The following PTPN14 variants were observed in gnomAD, a reference collection of about 807,000 sequenced individuals.
PTPN14 encodes tyrosine-protein phosphatase non-receptor type 14.
A neutral mutation model predicts 126.8 loss-of-function variants in PTPN14; 53 were observed. The observed-to-expected ratio is 0.42, with a 90% CI of 0.34 to 0.53. The LOEUF (loss-of-function observed/expected upper bound fraction) is 0.53. PTPN14 is among the 20% of genes least tolerant of loss of function. The probability of loss-of-function intolerance (pLI) is 0.08; values close to 1 mark genes in which losing one functional copy is unlikely to be tolerated. For missense variants in PTPN14, 1,257 were observed against 1,552.9 expected (o/e 0.81, Z 3.20); for synonymous variants, 630 against 599.3 (o/e 1.05, Z -0.75).
intron 15 of PTPN14, among the ~76,000 whole-genome samples, chr1:214,374,841 T>C (rs1055025229): frequency 4.6e-5 from 7 of 152,188 alleles, no homozygotes; most frequent in Admixed American, 1.3e-4. Flanking sequence ...AGATGGAAAA[T>C]AGTGGAAGAG....
intron 17 of PTPN14, among the ~76,000 whole-genome samples, chr1:214,365,399 C>T (rs1658058495): frequency 6.6e-6 from 1 of 152,114 alleles, no homozygotes; most frequent in Non-Finnish European, 1.5e-5. Context: ...AAAGAAAAAT[C>T]ACAGGATTCC....
At position 214,352,924 on chromosome 1, in the gene PTPN14, AC is replaced by A. The variant is rs1657732376; in HGVS notation, c.*4997del. On this transcript the variant is annotated 3_prime_UTR_variant, in exon 19 of 19. Coordinates refer to ENST00000366956, the MANE Select transcript of PTPN14 (RefSeq NM_005401.5). ...GAATGCTCAATTCCCTAAAAGGGCTACCCTAAGAGCCCAACAGTAATTATGT... is the reference window on the plus strand; with the variant it reads ...GAATGCTCAATTCCCTAAAAGGGCTACCTAAGAGCCCAACAGTAATTATGT... The A allele has an allele frequency of 6.6e-6, 1 of 152,170 alleles. No homozygotes were observed. Among genetic ancestry groups the A allele is most frequent in the South Asian group, 2.1e-4 (1 of 4,824 alleles). 9.4% of individuals were successfully genotyped at this position (152,170 alleles called of 1,614,324 possible). A position where few individuals can be genotyped will look rare whatever the true frequency, so the allele number is the denominator to read the frequency against.
intron 3 of PTPN14, among the ~76,000 whole-genome samples, chr1:214,422,265 T>C (rs1285519072): frequency 1.3e-5 from 2 of 152,182 alleles, no homozygotes; most frequent in African/African-American, 2.4e-5. Context: ...TATTTTTAAA[T>C]GACTTAAACT....
Position 214,476,757 on chromosome 1 carries a change from C to A in PTPN14, c.-154-11800G>T, listed in dbSNP as rs369799360. ...TAACCATGGGTCCGAAGCTGGCTCG[C>A]TCCCTGCATTTCTAACATGGGGATG... On this transcript the variant is annotated intron_variant, in intron 1 of 18. Transcript: ENST00000366956. 7.2e-5 allele frequency among the ~76,000 whole-genome samples: 11 copies of A among 152,302 alleles called. No individual in the cohort carries two copies. The East Asian group carries it at 7.7e-4, about 11-fold the overall frequency.
chr1:214,464,822 C>A lies in PTPN14; in HGVS notation c.-19G>T, dbSNP rs370374002. The A allele has an allele frequency of 6.8e-6, 11 of 1,610,432 alleles. No homozygotes were observed. The highest frequency in any genetic ancestry group is 9.3e-6 in the Non-Finnish European group (11 of 1,177,602). ...AAGGCATGGCTATGTGGTCCTCGGA[C>A]GCCGCCCGCCTATCCTGGCGCACAC... On this transcript the variant is annotated 5_prime_UTR_variant, in exon 2 of 19. Transcript: ENST00000366956.
At chr1:214,406,181 A>G (rs1268355999) in intron 5 of PTPN14, among the ~76,000 whole-genome samples, 1 of 152,226 alleles carries the variant, frequency 6.6e-6, no homozygotes, top group Non-Finnish European at 1.5e-5. Context: ...GCTATGGTGC[A>G]CTAAAAATGT....
intron 3 of PTPN14, among the ~76,000 whole-genome samples, chr1:214,449,011 C>CTTTTTTTTTTTTTTTTTTTTTTTTTTTT: frequency 8.9e-6 from 1 of 112,440 alleles, no homozygotes; most frequent in Admixed American, 1.0e-4. Flanking sequence ...CTTAATTTTT[C>CTTTTTTTTTTTTTTTTTTTTTTTTTTTT]TTTTTTTTTT....
chr1:214,509,698 T>C lies in PTPN14; in HGVS notation c.-155+41485A>G, dbSNP rs542152853. ...AAAGACACATGCACATGTATGTTTA[T>C]TGCAGCACTATTCACAATAGCAAAG... On this transcript the variant is annotated intron_variant, in intron 1 of 18. Coordinates refer to ENST00000366956, the MANE Select transcript of PTPN14 (RefSeq NM_005401.5). Among the ~76,000 whole-genome samples the C allele has an allele frequency of 2.6e-5, 4 of 152,332 alleles. No homozygotes were observed. In the South Asian group the frequency reaches 8.3e-4, roughly 32 times the overall value.
chr1:214,506,576 T>C (rs899193393), intron 1 of PTPN14, among the ~76,000 whole-genome samples: 1 of 149,838 alleles, frequency 6.7e-6, no homozygotes, highest in African/African-American at 2.6e-5. Flanking sequence ...CAGAATGTTT[T>C]TTAAGTAGGC....
chr1:214,414,421 G>T (rs1184176446), intron 4 of PTPN14, among the ~76,000 whole-genome samples: 1 of 152,192 alleles, frequency 6.6e-6, no homozygotes, highest in Non-Finnish European at 1.5e-5. Flanking sequence ...ATACAAGCAT[G>T]AGCAGTTTGC....
chr1:214,401,860 G>C (rs1659026752), intron 6 of PTPN14, 88 bp from the exon 7 acceptor site: 1 of 1,075,318 alleles, frequency 9.3e-7, no homozygotes, highest in Non-Finnish European at 1.4e-6. Flanking sequence ...CCAGAGCTGT[G>C]GTTTAGCTCT....
intron 2 of PTPN14, among the ~76,000 whole-genome samples, chr1:214,458,024 T>C (rs200020688): frequency 0.025 from 1,661 of 65,302 alleles, 31 homozygotes; most frequent in African/African-American, 0.082. Flanking sequence ...TATATCTATA[T>C]CTATATCTAT....
intron 5 of PTPN14, among the ~76,000 whole-genome samples, chr1:214,410,118 T>C (rs192646902): frequency 1.4e-4 from 22 of 152,288 alleles, no homozygotes. Flanking sequence ...TGTTGTTTCC[T>C]TTGTTGCACA....
At chr1:214,394,265 C>A (rs1658824083) in intron 9 of PTPN14, among the ~76,000 whole-genome samples, 1 of 152,140 alleles carries the variant, frequency 6.6e-6, no homozygotes, top group Admixed American at 6.5e-5. Context: ...GCAATAGAAT[C>A]AGGGGTCACT....
At chr1:214,374,290 T>C (rs74585793) in intron 15 of PTPN14, among the ~76,000 whole-genome samples, 2,822 of 152,332 alleles carry the variant, frequency 0.019, 89 homozygotes, top group African/African-American at 0.064. Context: ...AAGGCATGTT[T>C]AGGTCAAAGC....
intron 18 of PTPN14, among the ~76,000 whole-genome samples, chr1:214,362,101 G>T (rs1267141063): frequency 1.3e-5 from 2 of 152,124 alleles, no homozygotes; most frequent in African/African-American, 4.8e-5. Context: ...ATATATATTT[G>T]TTAAAATCTT....
Position 214,390,971 on chromosome 1 carries a change from G to T in PTPN14, c.987+17C>A, listed in dbSNP as rs766989648. 4.7e-6 allele frequency: 7 copies of T among 1,496,236 alleles called. No homozygotes were observed. Among genetic ancestry groups the T allele is most frequent in the Non-Finnish European group, 6.4e-6 (7 of 1,099,186 alleles). 92.7% of individuals were successfully genotyped at this position (1,496,236 alleles called of 1,614,324 possible). ...TCAACAGTCAGATCACTTGATCACTGCAGCTTCTATACATACCAGAGAGGA... is the reference window on the plus strand; with the variant it reads ...TCAACAGTCAGATCACTTGATCACTTCAGCTTCTATACATACCAGAGAGGA... On this transcript the variant is annotated intron_variant, in intron 11 of 18. Coordinates refer to ENST00000366956, the MANE Select transcript of PTPN14 (RefSeq NM_005401.5).
At chr1:214,416,726 C>T (rs1210166999) in intron 3 of PTPN14, among the ~76,000 whole-genome samples, 2 of 152,186 alleles carry the variant, frequency 1.3e-5, no homozygotes, top group African/African-American at 4.8e-5. Flanking sequence ...GTGGGTACTA[C>T]TGTGTAAGAC....
chr1:214,358,045 C>T lies in PTPN14; in HGVS notation c.3441G>A (p.Val1147=), dbSNP rs937250312. 4 of 1,612,946 alleles carry T rather than the reference C, an allele frequency of 2.5e-6. No individual in the cohort carries two copies. The highest frequency in any genetic ancestry group is 2.7e-5 in the African/African-American group (2 of 74,878). Reference sequence around the variant, plus strand: ...GGAGCCTCAGCATCATGGGCACTTCCACCTTCTGCAAGAAAAGAGAGAAAG... The same window carrying T: ...GGAGCCTCAGCATCATGGGCACTTCTACCTTCTGCAAGAAAAGAGAGAAAG... ...MIYCLEHNEK[V]EVPMMLRLLR... is the part of the protein sequence containing the mutation. The change falls in exon 19 of 19, where the codon GTG becomes GTA. Residue 1147 remains valine, a synonymous_variant. Coordinates refer to ENST00000366956, the MANE Select transcript of PTPN14 (RefSeq NM_005401.5).
Sources: gnomAD v4.1 joint callset for allele counts (sites outside exome capture counted in the v4.1 genomes callset) on GRCh38, gnomAD v4.1.1 for gene constraint, MANE v1.5 for transcripts, NCBI Gene and HGNC (gene_info 2026-07-23, HGNC 2026-07-21) for gene names.